MMP16: variants seen among roughly 807,000 people sequenced by gnomAD.
MMP16 encodes matrix metalloproteinase-16.
A neutral mutation model predicts 67.8 loss-of-function variants in MMP16; 12 were observed. That is an observed-to-expected ratio of 0.18 (90% CI 0.11 to 0.29). The LOEUF (loss-of-function observed/expected upper bound fraction) is 0.29, where lower values mean the gene tolerates loss of function less well. Among genes scored for constraint, MMP16 ranks in the 10% least tolerant of loss-of-function variants. The pLI is 1.00. For synonymous variants in MMP16, 249 were observed against 255.9 expected (o/e 0.97, Z 0.26); for missense variants, 475 against 765.7 (o/e 0.62, Z 4.48).
rs183979790 is a variant in MMP16, at chr8:88,112,774, A to C, written c.1083+3733T>G. 3.2e-4 allele frequency among the ~76,000 whole-genome samples: 49 copies of C among 151,858 alleles called. 1 individual carries two copies. In the East Asian group the frequency reaches 8.4e-3, roughly 26 times the overall value. ...TCACTTTAAATAAATGGATGCCTGG[A>C]AAGTACAATGTAAATCAAATCCTCT... is the stretch of plus-strand genomic sequence containing the variant. On this transcript the variant is annotated intron_variant, in intron 6 of 9. Coordinates refer to ENST00000286614, the MANE Select transcript of MMP16 (RefSeq NM_005941.5).
At chr8:88,103,860 T>C (rs961604298) in intron 6 of MMP16, among the ~76,000 whole-genome samples, 1 of 151,822 alleles carries the variant, frequency 6.6e-6, no homozygotes, top group African/African-American at 2.4e-5. Flanking sequence ...AATAAGTGGT[T>C]AGCTTGATTT....
At position 88,037,349 on chromosome 8, in the gene MMP16, G is replaced by GTAAC. The variant is rs1211989718; in HGVS notation, c.*4108_*4111dup. 6.6e-6 allele frequency: 1 copy of GTAAC among 151,550 alleles called. No homozygotes were observed. The highest frequency in any genetic ancestry group is 2.4e-5 in the African/African-American group (1 of 41,274). The allele number at this position is 151,550 out of a possible 1,614,324, so 9.4% of individuals were successfully genotyped here. A position where few individuals can be genotyped will look rare whatever the true frequency, so the allele number is the denominator to read the frequency against. Reference sequence around the variant, plus strand: ...AAAAGATTATAGGTAATTATTAAAGGTAACACTTGCTTATGTGTTAACAAA... The same window carrying GTAAC: ...AAAAGATTATAGGTAATTATTAAAGGTAACTAACACTTGCTTATGTGTTAACAAA... On this transcript the variant is annotated 3_prime_UTR_variant, in exon 10 of 10. Coordinates refer to ENST00000286614, the MANE Select transcript of MMP16 (RefSeq NM_005941.5).
chr8:88,181,807 G>T (rs1386564637), intron 3 of MMP16, among the ~76,000 whole-genome samples: 1 of 151,926 alleles, frequency 6.6e-6, no homozygotes, highest in Non-Finnish European at 1.5e-5. Context: ...GGTGATATTG[G>T]ATTAATAACA....
Position 88,058,531 on chromosome 8 carries a change from T to C in MMP16, c.1223-2253A>G, listed in dbSNP as rs983643738. Among the ~76,000 whole-genome samples, 1 of 152,054 alleles carries C rather than the reference T, an allele frequency of 6.6e-6. No homozygotes were observed. The highest frequency in any genetic ancestry group is 1.5e-5 in the Non-Finnish European group (1 of 68,000). ...TAAATTAAAACTTCAGAAAGCAAAG[T>C]GCTATACAAATGGAGAAAGAAAAAA... On this transcript the variant is annotated intron_variant, in intron 7 of 9. Transcript: ENST00000286614. This position sits in a 1 kb window ranked among gnomAD's most constrained non-coding sequence, Gnocchi z 4.2.
chr8:88,051,820 A>G (rs1375953172), intron 8 of MMP16, among the ~76,000 whole-genome samples: 1 of 152,166 alleles, frequency 6.6e-6, no homozygotes, highest in Non-Finnish European at 1.5e-5. Flanking sequence ...AGTCTTAGAT[A>G]TGTTTGTGAG....
At chr8:88,042,718 T>C (rs1014759536) in intron 9 of MMP16, among the ~76,000 whole-genome samples, 5 of 152,196 alleles carry the variant, frequency 3.3e-5, no homozygotes, top group African/African-American at 1.2e-4. Context: ...ATTTATTTTC[T>C]AAAACATTAT....
chr8:88,224,996 C>T (rs537695023), intron 1 of MMP16, among the ~76,000 whole-genome samples: 1 of 151,926 alleles, frequency 6.6e-6, no homozygotes, highest in East Asian at 1.9e-4. Flanking sequence ...TTTTGCTGTT[C>T]CCTGAGTGAG....
chr8:88,109,603 T>C (rs73287039), intron 6 of MMP16, among the ~76,000 whole-genome samples: 9,115 of 151,348 alleles, frequency 0.06, 427 homozygotes, highest in Admixed American at 0.12. Context: ...AAATGCCAAA[T>C]TTGAAAGAAA....
intron 4 of MMP16, among the ~76,000 whole-genome samples, chr8:88,159,528 G>C (rs1030865927): frequency 6.6e-6 from 1 of 151,450 alleles, no homozygotes; most frequent in African/African-American, 2.4e-5. Context: ...CTGAGGCTTT[G>C]CTGAAGTTGC....
chr8:88,162,244 A>C (rs1170386303), intron 4 of MMP16, among the ~76,000 whole-genome samples: 1 of 151,998 alleles, frequency 6.6e-6, no homozygotes, highest in Admixed American at 6.6e-5. Context: ...GAAAGGTTTT[A>C]AAAAAGTCAG....
chr8:88,099,277 G>A (rs1809089461), intron 6 of MMP16, among the ~76,000 whole-genome samples: 1 of 151,598 alleles, frequency 6.6e-6, no homozygotes, highest in Non-Finnish European at 1.5e-5. Context: ...ATTAAAATTT[G>A]TCATATTTTT....
At chr8:88,156,640 T>G (rs1350007527) in intron 4 of MMP16, among the ~76,000 whole-genome samples, 1 of 152,104 alleles carries the variant, frequency 6.6e-6, no homozygotes, top group African/African-American at 2.4e-5. Context: ...AGTAAAAAGC[T>G]GTTATTAATC....
At chr8:88,098,960 TGC>T (rs780736262) in intron 6 of MMP16, among the ~76,000 whole-genome samples, 1 of 151,780 alleles carries the variant, frequency 6.6e-6, no homozygotes, top group South Asian at 2.1e-4. Context: ...TTGCCTAAAC[TGC>T]CATAATTATA....
At chr8:88,250,947 T>A (rs1810208316) in intron 1 of MMP16, among the ~76,000 whole-genome samples, 1 of 111,742 alleles carries the variant, frequency 8.9e-6, no homozygotes, top group Non-Finnish European at 1.8e-5. Flanking sequence ...CCCACAACAG[T>A]CCCCAGAGTG....
At chr8:88,290,173 G>T (rs1263311247) in intron 1 of MMP16, among the ~76,000 whole-genome samples, 1 of 152,108 alleles carries the variant, frequency 6.6e-6, no homozygotes, top group Non-Finnish European at 1.5e-5. Flanking sequence ...AATGCATATG[G>T]AACACCCATA....
At chr8:88,178,146 T>C (rs546955424) in intron 3 of MMP16, among the ~76,000 whole-genome samples, 1 of 152,210 alleles carries the variant, frequency 6.6e-6, no homozygotes, top group Non-Finnish European at 1.5e-5. Context: ...CTTCCCACTT[T>C]CAACAAAAAA....
At chr8:88,287,692 T>C (rs1036781645) in intron 1 of MMP16, among the ~76,000 whole-genome samples, 3 of 152,194 alleles carry the variant, frequency 2.0e-5, no homozygotes, top group Non-Finnish European at 4.4e-5. Flanking sequence ...AACTTATTCT[T>C]TCAACAAATA....
chr8:88,123,549 C>T (rs972057265), intron 4 of MMP16, among the ~76,000 whole-genome samples: 3 of 151,472 alleles, frequency 2.0e-5, no homozygotes, highest in African/African-American at 7.3e-5. Flanking sequence ...GTCTGACAGA[C>T]GGGTCTGAAA....
chr8:88,306,576 G>A (rs982715906), intron 1 of MMP16, among the ~76,000 whole-genome samples: 2 of 152,032 alleles, frequency 1.3e-5, no homozygotes, highest in South Asian at 2.1e-4. Flanking sequence ...AAAAGCATAT[G>A]CACTACAATC....
Sources: allele counts gnomAD v4.1 joint callset (sites outside exome capture counted in the v4.1 genomes callset), GRCh38; gene constraint gnomAD v4.1.1; non-coding constraint Gnocchi (gnomAD v3.1); transcripts MANE v1.5; gene names NCBI Gene and HGNC (gene_info 2026-07-23, HGNC 2026-07-21).